The following GSE1 variants were observed in gnomAD, a reference collection of about 807,000 sequenced individuals.
GSE1 encodes Gse1 coiled-coil protein.
Under a neutral mutation model 112.6 loss-of-function variants are expected in GSE1, and 32 were observed. The ratio of observed to expected loss-of-function variants is 0.28; its 90% CI spans 0.21 to 0.38. The LOEUF (loss-of-function observed/expected upper bound fraction) is 0.38. Ranked by LOEUF, GSE1 falls within the 10% of genes least tolerant of loss-of-function variation. The pLI is 1.00. For missense variants in GSE1, 2,348 were observed against 1,699.2 expected, an observed-to-expected ratio of 1.38 and a Z score of -6.71; for synonymous variants, 1,115 against 735.6, an observed-to-expected ratio of 1.52 and a Z score of -8.35.
intron 2 of GSE1, among the ~76,000 whole-genome samples, chr16:85,391,715 G>A (rs1205277440): frequency 1.3e-5 from 2 of 152,208 alleles, no homozygotes; most frequent in Non-Finnish European, 2.9e-5. Flanking sequence ...GGTTCCGGGT[G>A]GACATGAATT....
intron 2 of GSE1, among the ~76,000 whole-genome samples, chr16:85,507,277 G>A (rs766303669): frequency 1.3e-5 from 2 of 152,182 alleles, no homozygotes; most frequent in Non-Finnish European, 2.9e-5. Context: ...TCCGTCCTCG[G>A]CATTCTGCTT....
At chr16:85,296,331 G>A (rs1461215193) in intron 1 of GSE1, among the ~76,000 whole-genome samples, 1 of 152,158 alleles carries the variant, frequency 6.6e-6, no homozygotes, top group Admixed American at 6.5e-5. Context: ...AGGGCCGGGT[G>A]CAGTGGCTCC....
intron 1 of GSE1, among the ~76,000 whole-genome samples, chr16:85,281,959 G>T (rs189878121): frequency 2.4e-4 from 37 of 152,258 alleles, no homozygotes; most frequent in Admixed American, 2.2e-3. Flanking sequence ...GCCCTGTGTA[G>T]GGTCTTAGAT....
chr16:85,487,633 A>T (rs1270176298), intron 2 of GSE1, among the ~76,000 whole-genome samples: 1 of 152,118 alleles, frequency 6.6e-6, no homozygotes, highest in African/African-American at 2.4e-5. Flanking sequence ...CAGGTCCCCA[A>T]GTCCAGGATG....
At chr16:85,504,326 A>T (rs774634229) in intron 2 of GSE1, among the ~76,000 whole-genome samples, 4 of 152,216 alleles carry the variant, frequency 2.6e-5, no homozygotes, top group Non-Finnish European at 5.9e-5. Context: ...CGGGCCACAC[A>T]CTTTCCCCTT....
At chr16:85,524,204 G>A (rs1046456576) in intron 2 of GSE1, among the ~76,000 whole-genome samples, 7 of 152,164 alleles carry the variant, frequency 4.6e-5, no homozygotes, top group African/African-American at 1.7e-4. Flanking sequence ...TGGCAGTCAG[G>A]TGGCCAGGTC....
intron 1 of GSE1, among the ~76,000 whole-genome samples, chr16:85,230,383 AC>A (rs1904275333): frequency 6.6e-6 from 1 of 152,062 alleles, no homozygotes; most frequent in Non-Finnish European, 1.5e-5. Flanking sequence ...GGTTTGTGTT[AC>A]CCACGCCCCT....
At chr16:85,216,879 C>G (rs780133809) in intron 1 of GSE1, among the ~76,000 whole-genome samples, 2 of 152,254 alleles carry the variant, frequency 1.3e-5, no homozygotes, top group Non-Finnish European at 2.9e-5. Flanking sequence ...ATCTACAGAA[C>G]TCAGTTTCCC....
chr16:85,483,329 G>A lies in GSE1; in HGVS notation c.2464+125686G>A, dbSNP rs542489660. Reference sequence around the variant, plus strand: ...GTCATGGGAGAGCGAGAACAGAAACGGGGCAGAGGGGAGTACGTGGAGTTG... The same window carrying A: ...GTCATGGGAGAGCGAGAACAGAAACAGGGCAGAGGGGAGTACGTGGAGTTG... On this transcript the variant is annotated intron_variant, in intron 2 of 2. Coordinates refer to the GSE1 transcript ENST00000637419. Among the ~76,000 whole-genome samples the A allele has an allele frequency of 3.9e-4, 60 of 152,362 alleles. No homozygotes were observed. The Middle Eastern group carries it at 0.02, about 52-fold the overall frequency.
chr16:85,359,287 G>C (rs889090113), intron 2 of GSE1: 11 of 427,636 alleles, frequency 2.6e-5, no homozygotes, highest in Non-Finnish European at 4.7e-5. Context: ...ACGGGTCAGT[G>C]GAGGGCTCCG....
intron 1 of GSE1, among the ~76,000 whole-genome samples, chr16:85,620,827 G>A (rs1180574110): frequency 6.6e-6 from 1 of 151,980 alleles, no homozygotes; most frequent in Non-Finnish European, 1.5e-5. Flanking sequence ...CTGTGTTGGG[G>A]AAGCCGTGTA....
chr16:85,562,255 G>C (rs2045555219), intron 1 of GSE1, among the ~76,000 whole-genome samples: 1 of 152,218 alleles, frequency 6.6e-6, no homozygotes, highest in Admixed American at 6.5e-5. Flanking sequence ...ACCCCTGAGA[G>C]ATGGGGAGGC....
At chr16:85,401,707 A>G (rs1369291654) in intron 2 of GSE1, among the ~76,000 whole-genome samples, 9 of 152,174 alleles carry the variant, frequency 5.9e-5, no homozygotes, top group Non-Finnish European at 1.5e-5. Flanking sequence ...CTGAGTGTTT[A>G]TTGAGCACCT....
chr16:85,568,839 G>A (rs1013615403), intron 1 of GSE1, among the ~76,000 whole-genome samples: 4 of 152,334 alleles, frequency 2.6e-5, no homozygotes, highest in African/African-American at 9.6e-5. Context: ...TGGGTTCACA[G>A]CGGTCTGTTC....
chr16:85,487,046 C>T (rs2050864819), intron 2 of GSE1, among the ~76,000 whole-genome samples: 1 of 152,142 alleles, frequency 6.6e-6, no homozygotes, highest in African/African-American at 2.4e-5. Flanking sequence ...TACAGGGAGG[C>T]CTTGGGCCAT....
chr16:85,624,450 A>G (rs1300286763), intron 1 of GSE1, among the ~76,000 whole-genome samples: 3 of 152,160 alleles, frequency 2.0e-5, no homozygotes, highest in Admixed American at 1.3e-4. Flanking sequence ...GAGCCTTCCT[A>G]TTCCCAGCCG....
upstream of GSE1, among the ~76,000 whole-genome samples, chr16:85,552,112 G>A (rs1236411989): frequency 2.6e-5 from 4 of 151,516 alleles, no homozygotes; most frequent in Non-Finnish European, 4.4e-5. Flanking sequence ...TGCAAGCTCC[G>A]CCTTCAGGGT....
chr16:85,604,046 A>G (rs527257006), intron 1 of GSE1, among the ~76,000 whole-genome samples: 1 of 152,190 alleles, frequency 6.6e-6, no homozygotes, highest in African/African-American at 2.4e-5. Context: ...GGGAGGCCCC[A>G]GGAAATTTAC....
chr16:85,198,665 A>C (rs899731141), intron 1 of GSE1, among the ~76,000 whole-genome samples: 1 of 152,074 alleles, frequency 6.6e-6, no homozygotes, highest in Non-Finnish European at 1.5e-5. Context: ...CTGAGACTGC[A>C]ATGCCCCCAT....
Sources: allele counts gnomAD v4.1 joint callset (sites outside exome capture counted in the v4.1 genomes callset), GRCh38; gene constraint gnomAD v4.1.1; transcripts MANE v1.5; gene names NCBI Gene and HGNC (gene_info 2026-07-23, HGNC 2026-07-21).